Variants in PRR27 observed in about 807,000 individuals in gnomAD.
PRR27 encodes the protein proline rich 27.
Under a neutral mutation model 16.8 loss-of-function variants are expected in PRR27, and 12 were observed. That is an observed-to-expected ratio of 0.71 (90% CI 0.46 to 1.16). The LOEUF (loss-of-function observed/expected upper bound fraction) is 1.16, where lower values mean the gene tolerates loss of function less well. PRR27 is among the 50% of genes most tolerant of loss of function. PRR27 has a pLI of 0.00. For synonymous variants in PRR27, 100 were observed against 98.4 expected, an observed-to-expected ratio of 1.02 and a Z score of -0.10; for missense variants, 277 against 273.3, an observed-to-expected ratio of 1.01 and a Z score of -0.10.
At chr4:70,155,403 T>C (rs1728451900) in intron 1 of PRR27, among the ~76,000 whole-genome samples, 1 of 151,560 alleles carries the variant, frequency 6.6e-6, no homozygotes, top group African/African-American at 2.4e-5. Flanking sequence ...TCTCGCTCTG[T>C]AGCCAGGCTG....
At chr4:70,154,989 A>T (rs1578218083) in intron 1 of PRR27, among the ~76,000 whole-genome samples, 1 of 152,118 alleles carries the variant, frequency 6.6e-6, no homozygotes, top group Non-Finnish European at 1.5e-5. Context: ...ATCTTTTTTT[A>T]AATGGAGAAA....
At chr4:70,158,268 ATAAG>A in intron 2 of PRR27, 56 bp from the exon 3 acceptor site, 1 of 1,022,822 alleles carries the variant, frequency 9.8e-7, no homozygotes. Context: ...CAGTTGTACC[ATAAG>A]TAATATATAG....
intron 3 of PRR27, among the ~76,000 whole-genome samples, chr4:70,159,418 G>T (rs1728585102): frequency 6.6e-6 from 1 of 152,098 alleles, no homozygotes; most frequent in Admixed American, 6.6e-5. Flanking sequence ...TTCCAAACTG[G>T]ATGCATTTAT....
intron 3 of PRR27, among the ~76,000 whole-genome samples, chr4:70,161,179 T>TATACAC (rs527588905): frequency 9.0e-4 from 97 of 107,682 alleles, no homozygotes; most frequent in Middle Eastern, 9.3e-3. Flanking sequence ...TATATATATA[T>TATACAC]ACACACATAC....
intron 2 of PRR27, 107 bp from the exon 3 acceptor site, chr4:70,158,221 A>G: frequency 1.3e-6 from 1 of 748,060 alleles, no homozygotes; most frequent in Non-Finnish European, 2.2e-6. Flanking sequence ...AGACATTGGA[A>G]TTCTTTCAAA....
In PRR27 at chr4:70,166,017, G is replaced by A. The variant is rs1215726659; in HGVS notation, c.*3356G>A. 1 of 151,936 alleles carries A rather than the reference G, an allele frequency of 6.6e-6. No individual in the cohort carries two copies. Among genetic ancestry groups the A allele is most frequent in the Non-Finnish European group, 1.5e-5 (1 of 67,930 alleles). 9.4% of individuals were successfully genotyped at this position (151,936 alleles called of 1,614,324 possible). On this transcript the variant is annotated 3_prime_UTR_variant, in exon 5 of 5. Transcript: ENST00000344526. Reference sequence around the variant, plus strand: ...TAAAATTTTAGTATGCATTTATGTGGCACTTAATATATAAAAGAGTTTTAT... The same window carrying A: ...TAAAATTTTAGTATGCATTTATGTGACACTTAATATATAAAAGAGTTTTAT...
rs571904282 is a variant in PRR27, at chr4:70,166,362, G to A, written c.*3701G>A. Reference sequence around the variant, plus strand: ...TTATCACATGCATATATGTGTGTATGTATATATGTGTGCATGTGCATGCAT... The same window carrying A: ...TTATCACATGCATATATGTGTGTATATATATATGTGTGCATGTGCATGCAT... On this transcript the variant is annotated 3_prime_UTR_variant, in exon 5 of 5. Coordinates refer to ENST00000344526, the MANE Select transcript of PRR27 (RefSeq NM_214711.4). The A allele has an allele frequency of 1.3e-5, 2 of 152,066 alleles. No homozygotes were observed. Among genetic ancestry groups the A allele is most frequent in the South Asian group, 2.1e-4 (1 of 4,826 alleles). The allele number at this position is 152,066 out of a possible 1,614,324, so 9.4% of individuals were successfully genotyped here.
At chr4:70,155,113 T>C (rs1728445817) in intron 1 of PRR27, among the ~76,000 whole-genome samples, 1 of 152,218 alleles carries the variant, frequency 6.6e-6, no homozygotes, top group African/African-American at 2.4e-5. Context: ...TGATACCATT[T>C]GCTATTGATG....
chr4:70,154,339 T>C lies in PRR27; in HGVS notation c.-37T>C. The C allele has an allele frequency of 6.6e-7, 1 of 1,504,420 alleles. No homozygotes were observed. Among genetic ancestry groups the C allele is most frequent in the Non-Finnish European group, 9.2e-7 (1 of 1,085,840 alleles). The allele number at this position is 1,504,420 out of a possible 1,614,324, so 93.2% of individuals were successfully genotyped here. A position where few individuals can be genotyped will look rare whatever the true frequency, so the allele number is the denominator to read the frequency against. The stretch of plus-strand genomic sequence containing the variant: ...ATACATTGCGTATTTTCTAAAACAA[T>C]AAATTTATAGTGTTAATATTCATAG... On this transcript the variant is annotated 5_prime_UTR_variant, in exon 1 of 5. Transcript: ENST00000344526.
Position 70,160,443 on chromosome 4 carries a change from C to CTCTCTGTGTGTGTGTGTGTG in PRR27, c.649-1142_649-1141insCTCTGTGTGTGTGTGTGTGT, listed in dbSNP as rs1298386504. On this transcript the variant is annotated intron_variant, in intron 3 of 4. Transcript: ENST00000344526. Reference sequence around the variant, plus strand: ...TCTCTCTCTCTCTCTCTCTCTCTCTCTGTGTGTGTGTGTGTGTGTGTGTGT... The same window carrying CTCTCTGTGTGTGTGTGTGTG: ...TCTCTCTCTCTCTCTCTCTCTCTCTCTCTCTGTGTGTGTGTGTGTGTGTGTGTGTGTGTGTGTGTGTGTGT... Among the ~76,000 whole-genome samples, 668 of 68,640 alleles carry CTCTCTGTGTGTGTGTGTGTG rather than the reference C, an allele frequency of 9.7e-3. 7 individuals carry two copies. Among genetic ancestry groups the CTCTCTGTGTGTGTGTGTGTG allele is most frequent in the Non-Finnish European group, 0.012 (434 of 36,256 alleles). The allele number at this position is 68,640 out of a possible 152,430, so 45.0% of individuals were successfully genotyped here.
chr4:70,157,954 C>CTCTAA (rs201124933), intron 2 of PRR27, among the ~76,000 whole-genome samples: 3,247 of 152,210 alleles, frequency 0.021, 36 homozygotes, highest in Non-Finnish European at 0.03. Flanking sequence ...GTGCTGAGCG[C>CTCTAA]AGTGGGAAAG....
intron 3 of PRR27, among the ~76,000 whole-genome samples, chr4:70,159,956 C>G (rs1728600658): frequency 6.6e-6 from 1 of 152,042 alleles, no homozygotes; most frequent in Non-Finnish European, 1.5e-5. Flanking sequence ...TCAGGTAGTT[C>G]TCTACCTGAC....
At chr4:70,156,200 T>G in intron 2 of PRR27, 123 bp downstream of exon 2, 1 of 486,090 alleles carries the variant, frequency 2.1e-6, no homozygotes, top group Non-Finnish European at 3.6e-6. Flanking sequence ...CTTAAAATAA[T>G]AGTGCTATTA....
At position 70,154,254 on chromosome 4, in the gene PRR27, G is replaced by A. The variant is rs536445541; in HGVS notation, c.-122G>A. 9.0e-5 allele frequency: 71 copies of A among 791,762 alleles called. No individual in the cohort carries two copies. Among genetic ancestry groups the A allele is most frequent in the Non-Finnish European group, 1.2e-4 (58 of 485,970 alleles). The allele number at this position is 791,762 out of a possible 1,614,324, so 49.0% of individuals were successfully genotyped here. ...ATTCTGTTAAGGGTCTTCCTAGACA[G>A]ACTAAAAAAGCCATGTATTCTTTCG... On this transcript the variant is annotated 5_prime_UTR_variant, in exon 1 of 5. Transcript: ENST00000344526.
rs762302703 is a variant in PRR27 at position 70,154,327 on chromosome 4, T to C, written c.-49T>C. The stretch of plus-strand genomic sequence containing the variant: ...TATAATTTAAAAATACATTGCGTAT[T>C]TTCTAAAACAATAAATTTATAGTGT... On this transcript the variant is annotated 5_prime_UTR_variant, in exon 1 of 5. Transcript: ENST00000344526. 1.4e-6 allele frequency: 2 copies of C among 1,419,350 alleles called. No individual in the cohort carries two copies. Among genetic ancestry groups the C allele is most frequent in the African/African-American group, 1.4e-5 (1 of 70,160 alleles). The allele number at this position is 1,419,350 out of a possible 1,614,324, so 87.9% of individuals were successfully genotyped here. A position where few individuals can be genotyped will look rare whatever the true frequency, so the allele number is the denominator to read the frequency against.
intron 3 of PRR27, 46 bp downstream of exon 3, chr4:70,158,946 T>C: frequency 1.3e-6 from 2 of 1,523,140 alleles, no homozygotes; most frequent in East Asian, 4.5e-5. Flanking sequence ...GAAATGAGAT[T>C]TGTAGAAGGG....
chr4:70,154,708 T>C, intron 1 of PRR27: 1 of 1,351,488 alleles, frequency 7.4e-7, no homozygotes, highest in Non-Finnish European at 9.8e-7. Context: ...GGATCCCACG[T>C]AGATTATCTT....
intron 4 of PRR27, among the ~76,000 whole-genome samples, chr4:70,162,008 C>T (rs1389187569): frequency 6.6e-6 from 1 of 152,154 alleles, no homozygotes; most frequent in Admixed American, 6.6e-5. Context: ...TCCCTTCAGC[C>T]ACCATCCTAC....
At chr4:70,157,102 A>T (rs978949390) in intron 2 of PRR27, among the ~76,000 whole-genome samples, 1 of 152,110 alleles carries the variant, frequency 6.6e-6, no homozygotes, top group African/African-American at 2.4e-5. Context: ...TATATTACTT[A>T]TGTATATATG....
Sources: allele counts gnomAD v4.1 joint callset (sites outside exome capture counted in the v4.1 genomes callset), GRCh38; gene constraint gnomAD v4.1.1; transcripts MANE v1.5; gene names NCBI Gene and HGNC (gene_info 2026-07-23, HGNC 2026-07-21).